The following PDE7B variants were observed in gnomAD, a reference collection of about 807,000 sequenced individuals.
The protein encoded by PDE7B is 3',5'-cyclic-AMP phosphodiesterase 7B.
A neutral mutation model predicts 56.2 loss-of-function variants in PDE7B; 29 were observed. The ratio of observed to expected loss-of-function variants is 0.52; its 90% CI spans 0.38 to 0.70. The LOEUF (loss-of-function observed/expected upper bound fraction) is 0.70. PDE7B is among the 30% of genes least tolerant of loss of function. PDE7B has a pLI of 0.00. For synonymous variants in PDE7B, 197 were observed against 196.9 expected, an observed-to-expected ratio of 1.00 and a Z score of 0.00; for missense variants, 490 against 565.0, an observed-to-expected ratio of 0.87 and a Z score of 1.35.
intron 2 of PDE7B, among the ~76,000 whole-genome samples, chr6:135,962,631 A>G (rs1774921901): frequency 6.6e-6 from 1 of 152,178 alleles, no homozygotes; most frequent in Non-Finnish European, 1.5e-5. Flanking sequence ...ACTAAAACCT[A>G]CATCTCCCAA....
At chr6:136,093,188 C>T (rs888194610) in intron 2 of PDE7B, among the ~76,000 whole-genome samples, 1 of 152,168 alleles carries the variant, frequency 6.6e-6, no homozygotes, top group African/African-American at 2.4e-5. Context: ...AACGATGCTG[C>T]TTGTCAGGGG....
At chr6:135,926,797 T>C (rs1774200271) in intron 1 of PDE7B, among the ~76,000 whole-genome samples, 1 of 152,142 alleles carries the variant, frequency 6.6e-6, no homozygotes, top group Non-Finnish European at 1.5e-5. Context: ...GTGCGGCAAG[T>C]GCTTAATAAA....
chr6:135,921,158 T>C (rs1009203120), intron 1 of PDE7B, among the ~76,000 whole-genome samples: 3 of 152,140 alleles, frequency 2.0e-5, no homozygotes, highest in Non-Finnish European at 2.9e-5. Context: ...AGAAAATAAC[T>C]GTCGTTTCTT....
chr6:135,935,198 A>ATATTTT (rs1562445473), intron 1 of PDE7B, among the ~76,000 whole-genome samples: 1 of 80,162 alleles, frequency 1.2e-5, no homozygotes, highest in African/African-American at 6.8e-5. Flanking sequence ...ATTTATATAT[A>ATATTTT]TATATATATA....
intron 1 of PDE7B, among the ~76,000 whole-genome samples, chr6:135,903,622 A>T (rs1776044657): frequency 6.6e-6 from 1 of 152,218 alleles, no homozygotes; most frequent in South Asian, 2.1e-4. Context: ...ACTGCCTTCA[A>T]GTTCAGGGCC....
At chr6:135,925,453 A>G (rs1290510761) in intron 1 of PDE7B, among the ~76,000 whole-genome samples, 4 of 152,210 alleles carry the variant, frequency 2.6e-5, no homozygotes, top group Non-Finnish European at 5.9e-5. Context: ...GTGATCTTAC[A>G]TTGCAAAACT....
intron 2 of PDE7B, among the ~76,000 whole-genome samples, chr6:136,050,830 T>C (rs943943685): frequency 1.3e-5 from 2 of 152,170 alleles, no homozygotes; most frequent in African/African-American, 2.4e-5. Context: ...TATAAGGTGT[T>C]TGTAGCCCCG....
In PDE7B at chr6:136,085,993, G is replaced by A. The variant is rs116454077; in HGVS notation, c.83-22738G>A. Among the ~76,000 whole-genome samples the A allele has an allele frequency of 1.5e-3, 227 of 152,142 alleles. 1 individual carries two copies. The highest frequency in any genetic ancestry group is 5.2e-3 in the African/African-American group (215 of 41,476). On this transcript the variant is annotated intron_variant, in intron 2 of 12. Coordinates refer to ENST00000308191, the MANE Select transcript of PDE7B (RefSeq NM_018945.4). ...GAATGTTTGCCCATCATACTCTTAC[G>A]GTTTTGCTTTATTGGCCAAGTTTTA...
chr6:136,005,408 T>C (rs1775761877), intron 2 of PDE7B, among the ~76,000 whole-genome samples: 1 of 151,804 alleles, frequency 6.6e-6, no homozygotes, highest in African/African-American at 2.4e-5. Flanking sequence ...ACCATCAGAG[T>C]GAACAGGCAA....
intron 2 of PDE7B, among the ~76,000 whole-genome samples, chr6:135,985,041 T>C (rs753672915): frequency 6.6e-6 from 1 of 152,154 alleles, no homozygotes; most frequent in Admixed American, 6.5e-5. Context: ...TCAGAAATAA[T>C]GGAATGAAGT....
At chr6:136,140,907 G>C (rs1334950132) in intron 3 of PDE7B, among the ~76,000 whole-genome samples, 4 of 151,952 alleles carry the variant, frequency 2.6e-5, no homozygotes, top group African/African-American at 4.8e-5. Flanking sequence ...CATGTCGTCT[G>C]CAAACAGGGA....
chr6:136,112,589 G>A (rs1777767033), intron 3 of PDE7B: 1 of 151,684 alleles, frequency 6.6e-6, no homozygotes, highest in African/African-American at 2.4e-5. Flanking sequence ...AGCACATTCA[G>A]TCCAGTGTGT....
At chr6:135,885,276 TGGGGA>T (rs573376198) in intron 1 of PDE7B, among the ~76,000 whole-genome samples, 109 of 151,956 alleles carry the variant, frequency 7.2e-4, no homozygotes, top group Non-Finnish European at 1.4e-3. Flanking sequence ...CTTGAAAATG[TGGGGA>T]GGGTTTTGTT....
intron 2 of PDE7B, among the ~76,000 whole-genome samples, chr6:135,984,391 T>C (rs2128204533): frequency 6.6e-6 from 1 of 152,288 alleles, no homozygotes; most frequent in East Asian, 1.9e-4. Flanking sequence ...AGCTCATAAT[T>C]CTACTAATAA....
chr6:136,071,568 A>G (rs890760595), intron 2 of PDE7B, among the ~76,000 whole-genome samples: 9 of 152,252 alleles, frequency 5.9e-5, no homozygotes, highest in Non-Finnish European at 2.9e-5. Flanking sequence ...TCACCATTAC[A>G]GAAACACCAA....
chr6:135,855,996 C>T lies in PDE7B; in HGVS notation c.21+3977C>T, dbSNP rs187859346. 1.4e-3 allele frequency among the ~76,000 whole-genome samples: 213 copies of T among 152,276 alleles called. 1 individual carries two copies. Among genetic ancestry groups the T allele is most frequent in the Admixed American group, 0.013 (193 of 15,288 alleles). Reference sequence around the variant, plus strand: ...TGGATGCCCTTTTTCTTTCCAAATTCTGTGATTTAACCTGACAAAATTAAC... The same window carrying T: ...TGGATGCCCTTTTTCTTTCCAAATTTTGTGATTTAACCTGACAAAATTAAC... On this transcript the variant is annotated intron_variant, in intron 1 of 12. Coordinates refer to ENST00000308191, the MANE Select transcript of PDE7B (RefSeq NM_018945.4).
chr6:135,939,123 G>T (rs1774467112), intron 1 of PDE7B, among the ~76,000 whole-genome samples: 1 of 152,134 alleles, frequency 6.6e-6, no homozygotes, highest in Non-Finnish European at 1.5e-5. Flanking sequence ...AATAGCAATA[G>T]CATTAATATC....
At chr6:135,950,810 T>A (rs1027860934) in intron 2 of PDE7B, among the ~76,000 whole-genome samples, 1 of 152,206 alleles carries the variant, frequency 6.6e-6, no homozygotes, top group East Asian at 1.9e-4. Flanking sequence ...TTATGCTTTG[T>A]GTTGTCTACC....
At chr6:136,009,536 G>T (rs1047035932) in intron 2 of PDE7B, among the ~76,000 whole-genome samples, 23 of 152,186 alleles carry the variant, frequency 1.5e-4, no homozygotes, top group African/African-American at 5.5e-4. Context: ...AGTTCTCCTT[G>T]AAGAGGTCCT....
Sources: allele counts gnomAD v4.1 joint callset (sites outside exome capture counted in the v4.1 genomes callset), GRCh38; gene constraint gnomAD v4.1.1; transcripts MANE v1.5; gene names NCBI Gene and HGNC (gene_info 2026-07-23, HGNC 2026-07-21).